LRRC7: variants seen among roughly 807,000 people sequenced by gnomAD.
LRRC7 encodes leucine rich repeat containing 7, also known as leucine-rich repeat-containing protein 7.
A neutral mutation model predicts 175.7 loss-of-function variants in LRRC7; 23 were observed. That is an observed-to-expected ratio of 0.13 (90% CI 0.09 to 0.19). The LOEUF is 0.19. LRRC7 is among the 10% of genes least tolerant of loss of function. LRRC7 has a pLI of 1.00. For synonymous variants in LRRC7, 685 were observed against 680.9 expected, an observed-to-expected ratio of 1.01 and a Z score of -0.09; for missense variants, 1,354 against 1,904.7, an observed-to-expected ratio of 0.71 and a Z score of 5.38.
chr1:69,890,518 A>G (rs1007282992), intron 7 of LRRC7, among the ~76,000 whole-genome samples: 1 of 152,230 alleles, frequency 6.6e-6, no homozygotes, highest in African/African-American at 2.4e-5. Context: ...TAAGGCTCCT[A>G]AGATTTTCAG....
intron 2 of LRRC7, among the ~76,000 whole-genome samples, chr1:69,723,378 C>T (rs898161756): frequency 6.6e-6 from 1 of 152,010 alleles, no homozygotes; most frequent in Non-Finnish European, 1.5e-5. Context: ...TGAGACTTAA[C>T]ATATTAAGAG....
chr1:69,700,630 G>T (rs1358327608), intron 2 of LRRC7, among the ~76,000 whole-genome samples: 1 of 152,132 alleles, frequency 6.6e-6, no homozygotes, highest in Non-Finnish European at 1.5e-5. Context: ...AATGACGTAG[G>T]AGCTTAGAAA....
Position 69,608,883 on chromosome 1 carries a change from TATATATATATATATATACAC to T in LRRC7, c.2+40244_2+40263del, listed in dbSNP as rs1279100427. On this transcript the variant is annotated intron_variant, in intron 1 of 26. Coordinates refer to ENST00000651989, the MANE Select transcript of LRRC7 (RefSeq NM_001370785.2). ...CTCTCTCTCTATATATATATATATATATATATATATATATATACACACACACACACATATATATAAAATTA... is the reference window on the plus strand; with the variant it reads ...CTCTCTCTCTATATATATATATATATACACACACACATATATATAAAATTA... 1.8e-3 allele frequency among the ~76,000 whole-genome samples: 250 copies of T among 137,802 alleles called. 2 individuals carry two copies. Among genetic ancestry groups the T allele is most frequent in the African/African-American group, 6.5e-3 (239 of 36,624 alleles). The allele number at this position is 137,802 out of a possible 152,430, so 90.4% of individuals were successfully genotyped here.
chr1:69,616,189 T>C (rs1257757756), intron 1 of LRRC7, among the ~76,000 whole-genome samples: 1 of 152,004 alleles, frequency 6.6e-6, no homozygotes, highest in Non-Finnish European at 1.5e-5. Context: ...AATGTTGTAA[T>C]CATAACGCAG....
intron 26 of LRRC7, among the ~76,000 whole-genome samples, chr1:70,117,238 G>A (rs1558082710): frequency 6.6e-6 from 1 of 152,132 alleles, no homozygotes; most frequent in Non-Finnish European, 1.5e-5. Context: ...CCTTCTCTGA[G>A]CTATTTTTAA....
chr1:69,859,002 A>G (rs1366039710), intron 7 of LRRC7, among the ~76,000 whole-genome samples: 2 of 152,140 alleles, frequency 1.3e-5, no homozygotes, highest in African/African-American at 4.8e-5. Context: ...AAATATTGAC[A>G]GATCTGAAAG....
Position 70,144,208 on chromosome 1 carries a change from G to C in LRRC7, c.*22321G>C, listed in dbSNP as rs567293261. On this transcript the variant is annotated 3_prime_UTR_variant, in exon 27 of 27. Transcript: ENST00000651989. ...GCATTTTGAAGATGCTTTCTGTACA[G>C]ATACAAAATACAGGGACTAAAATAA... 6.0e-4 allele frequency: 91 copies of C among 152,296 alleles called. No individual in the cohort carries two copies. The highest frequency in any genetic ancestry group is 2.1e-3 in the African/African-American group (89 of 41,578). 9.4% of individuals were successfully genotyped at this position (152,296 alleles called of 1,614,324 possible).
Position 69,703,314 on chromosome 1 carries a change from T to A in LRRC7, c.100+24836T>A, listed in dbSNP as rs76306294. Among the ~76,000 whole-genome samples the A allele has an allele frequency of 3.8e-3, 571 of 151,474 alleles. 5 individuals are homozygous for A. The highest frequency in any genetic ancestry group is 0.012 in the South Asian group (59 of 4,816). ...TCAACGATTGTTCAATATTTCAAGA[T>A]AAAAATAAATAAATCTAGTTTTACT... On this transcript the variant is annotated intron_variant, in intron 2 of 26. Transcript: ENST00000651989.
chr1:69,932,893 A>G (rs1166702485), intron 8 of LRRC7, among the ~76,000 whole-genome samples: 1 of 152,226 alleles, frequency 6.6e-6, no homozygotes, highest in African/African-American at 2.4e-5. Context: ...TCTGCAGCTG[A>G]TGCTGCGTCC....
intron 1 of LRRC7, among the ~76,000 whole-genome samples, chr1:69,651,593 T>A (rs1655840228): frequency 6.6e-6 from 1 of 152,122 alleles, no homozygotes; most frequent in Non-Finnish European, 1.5e-5. Flanking sequence ...CAATAATACA[T>A]GGAGCAAAAT....
intron 7 of LRRC7, among the ~76,000 whole-genome samples, chr1:69,869,216 A>G (rs970244685): frequency 1.8e-4 from 27 of 152,084 alleles, no homozygotes; most frequent in African/African-American, 6.5e-4. Flanking sequence ...AATCATGGCA[A>G]AACTCGGATT....
intron 4 of LRRC7, among the ~76,000 whole-genome samples, chr1:69,795,153 C>CAG (rs1675577645): frequency 6.6e-6 from 1 of 151,992 alleles, no homozygotes; most frequent in African/African-American, 2.4e-5. Context: ...AGGCCCGGGC[C>CAG]AGGGGATCGT....
At chr1:69,580,966 T>C (rs1401802900) in intron 1 of LRRC7, among the ~76,000 whole-genome samples, 8 of 152,056 alleles carry the variant, frequency 5.3e-5, no homozygotes, top group Admixed American at 5.2e-4. Context: ...AGAAAGAAGA[T>C]AGGAGTAATG....
chr1:69,584,020 T>C (rs184462411), intron 1 of LRRC7, among the ~76,000 whole-genome samples: 5 of 152,116 alleles, frequency 3.3e-5, no homozygotes, highest in African/African-American at 1.2e-4. Context: ...CTGCAGCAGA[T>C]GAAAAGACTT....
intron 2 of LRRC7, among the ~76,000 whole-genome samples, chr1:69,757,625 G>C (rs1038315678): frequency 2.0e-5 from 3 of 151,884 alleles, no homozygotes; most frequent in Non-Finnish European, 2.9e-5. Flanking sequence ...GGTAGACAGT[G>C]GACACTGGCC....
At chr1:69,694,028 C>T (rs2100668231) in intron 2 of LRRC7, among the ~76,000 whole-genome samples, 1 of 152,272 alleles carries the variant, frequency 6.6e-6, no homozygotes, top group African/African-American at 2.4e-5. Flanking sequence ...CAAATCATGT[C>T]CATTCTCTCC....
chr1:69,906,803 A>G (rs560712370), intron 7 of LRRC7, among the ~76,000 whole-genome samples: 2 of 152,168 alleles, frequency 1.3e-5, no homozygotes, highest in African/African-American at 4.8e-5. Context: ...GAAGAAAGTC[A>G]TTGGTAGTTT....
In LRRC7 at chr1:69,581,751, C is replaced by G. The variant is rs1200754078; in HGVS notation, c.2+13110C>G. Among the ~76,000 whole-genome samples the G allele has an allele frequency of 2.8e-4, 42 of 152,118 alleles. 1 individual carries two copies. Among genetic ancestry groups the G allele is most frequent in the Admixed American group, 2.7e-3 (42 of 15,290 alleles). On this transcript the variant is annotated intron_variant, in intron 1 of 26. Transcript: ENST00000651989. ...TTGGGTATGCATTAGAGTGACTCAC[C>G]TTATATTGCTATCTTGGCTTTGTTT...
chr1:69,650,022 A>G (rs1279277806), intron 1 of LRRC7, among the ~76,000 whole-genome samples: 10 of 152,168 alleles, frequency 6.6e-5, no homozygotes, highest in African/African-American at 1.4e-4. Context: ...GAATCCATCA[A>G]TGTTTTCCAA....
Sources: gnomAD v4.1 joint callset for allele counts (sites outside exome capture counted in the v4.1 genomes callset) on GRCh38, gnomAD v4.1.1 for gene constraint, MANE v1.5 for transcripts, NCBI Gene and HGNC (gene_info 2026-07-23, HGNC 2026-07-21) for gene names.